GPHN: variants seen among roughly 807,000 people sequenced by gnomAD.
GPHN encodes the protein gephyrin.
A neutral mutation model predicts 95.5 loss-of-function variants in GPHN; 17 were observed. That is an observed-to-expected ratio of 0.18 (90% confidence interval 0.12 to 0.27). GPHN has a LOEUF of 0.27. Ranked by LOEUF, GPHN falls within the 10% of genes least tolerant of loss-of-function variation. GPHN has a pLI of 1.00. For synonymous variants in GPHN, 320 were observed against 322.5 expected (o/e 0.99, Z 0.08); for missense variants, 660 against 978.1 (o/e 0.67, Z 4.34).
chr14:67,292,422 T>C, the GPHN span: 1 of 868,344 alleles, frequency 1.2e-6, no homozygotes, highest in South Asian at 1.7e-5. Context: ...ACTTAAATTG[T>C]TACTGGTTCA....
chr14:67,277,972 G>T, the GPHN span, among the ~76,000 whole-genome samples: 1 of 151,930 alleles, frequency 6.6e-6, no homozygotes, highest in South Asian at 2.1e-4. Context: ...AAGTTTTTGA[G>T]TGGTAACAGA....
the GPHN span, chr14:67,533,345 C>G: frequency 6.6e-6 from 1 of 151,370 alleles, no homozygotes; most frequent in African/African-American, 2.4e-5. Context: ...GGCGGCGGCC[C>G]GAGGGCGCCC....
intron 2 of GPHN, among the ~76,000 whole-genome samples, chr14:66,748,120 G>C (rs1342630192): frequency 2.0e-5 from 3 of 151,858 alleles, no homozygotes; most frequent in Non-Finnish European, 4.4e-5. Context: ...GAGAAATACT[G>C]ATTTAACAAT....
At chr14:66,977,282 T>G (rs749148933) in intron 9 of GPHN, among the ~76,000 whole-genome samples, 6 of 151,872 alleles carry the variant, frequency 4.0e-5, no homozygotes, top group Non-Finnish European at 8.8e-5. Context: ...ATACAAAAAA[T>G]TAGCTGGGCA....
chr14:67,361,046 C>T, the GPHN span, among the ~76,000 whole-genome samples: 1 of 152,122 alleles, frequency 6.6e-6, no homozygotes, highest in African/African-American at 2.4e-5. Context: ...CTGTTACTAT[C>T]AGTTTGTCGT....
At chr14:66,968,235 A>G (rs1757051983) in intron 9 of GPHN, among the ~76,000 whole-genome samples, 1 of 152,020 alleles carries the variant, frequency 6.6e-6, no homozygotes, top group Non-Finnish European at 1.5e-5. Flanking sequence ...CAATAATGTT[A>G]TTAACTATAC....
rs911782235 is a variant in GPHN at position 67,095,480 on chromosome 14, G to A, written c.1238-5376G>A. Among the ~76,000 whole-genome samples, 3 of 152,108 alleles carry A rather than the reference G, an allele frequency of 2.0e-5. No homozygotes were observed. In the East Asian group the frequency reaches 5.8e-4, roughly 29 times the overall value. On this transcript the variant is annotated intron_variant, in intron 12 of 22. Coordinates refer to ENST00000478722, the MANE Select transcript of GPHN (RefSeq NM_020806.5). ...TGCTGCTATAAAGACACATGCACAC[G>A]TATGTTTATTGTGGCACTATTCACA... is the stretch of plus-strand genomic sequence containing the variant.
chr14:67,408,282 G>C, the GPHN span, among the ~76,000 whole-genome samples: 2 of 113,292 alleles, frequency 1.8e-5, no homozygotes, highest in African/African-American at 8.3e-5. Flanking sequence ...GCAAAATTCG[G>C]TCTCAAAATA....
chr14:67,194,746 C>T, the GPHN span, among the ~76,000 whole-genome samples: 1 of 152,158 alleles, frequency 6.6e-6, no homozygotes, highest in Non-Finnish European at 1.5e-5. Flanking sequence ...GGTGATCCAC[C>T]TCCCATGTTC....
At chr14:66,844,524 C>G (rs1375861544) in intron 4 of GPHN, among the ~76,000 whole-genome samples, 3 of 151,624 alleles carry the variant, frequency 2.0e-5, no homozygotes, top group Admixed American at 6.6e-5. Context: ...TCATTGTGCT[C>G]GAAGTGTGGA....
intron 10 of GPHN, among the ~76,000 whole-genome samples, chr14:67,054,765 G>A (rs2075472340): frequency 6.6e-6 from 1 of 152,148 alleles, no homozygotes; most frequent in African/African-American, 2.4e-5. Context: ...TAGACCAGTG[G>A]AACAGAATAT....
chr14:67,408,446 C>A, the GPHN span, among the ~76,000 whole-genome samples: 1 of 152,062 alleles, frequency 6.6e-6, no homozygotes. Flanking sequence ...ACCTCTGGAC[C>A]TGTAAGTGTG....
the GPHN span, among the ~76,000 whole-genome samples, chr14:67,435,941 C>T: frequency 2.6e-5 from 4 of 152,174 alleles, no homozygotes; most frequent in Non-Finnish European, 4.4e-5. Flanking sequence ...CTGGAGACTG[C>T]GGATGGTTAA....
intron 13 of GPHN, among the ~76,000 whole-genome samples, chr14:67,106,073 T>C (rs746146934): frequency 5.9e-5 from 9 of 152,212 alleles, no homozygotes; most frequent in Non-Finnish European, 1.3e-4. Context: ...TGAGAATTTA[T>C]GGTAAGGCCA....
At chr14:66,728,316 G>C (rs1419524642) in intron 2 of GPHN, among the ~76,000 whole-genome samples, 7 of 152,298 alleles carry the variant, frequency 4.6e-5, no homozygotes, top group Admixed American at 3.3e-4. Flanking sequence ...CCCCCACACA[G>C]AGTCCCTACT....
intron 4 of GPHN, among the ~76,000 whole-genome samples, chr14:66,841,207 A>G (rs539976737): frequency 1.3e-5 from 2 of 152,210 alleles, no homozygotes; most frequent in South Asian, 2.1e-4. Context: ...GCTATGTTTA[A>G]AAATTAACCA....
the GPHN span, chr14:67,316,940 T>A: frequency 6.5e-7 from 1 of 1,533,090 alleles, no homozygotes; most frequent in Non-Finnish European, 8.9e-7. Context: ...AAATGGTTTC[T>A]TGGGTCTTCA....
chr14:67,143,505 C>T (rs2080626887), intron 18 of GPHN, 56 bp downstream of exon 18: 5 of 1,074,816 alleles, frequency 4.7e-6, no homozygotes, highest in Non-Finnish European at 7.3e-6. Flanking sequence ...TGCATATGGT[C>T]GATTAACTGT....
chr14:67,620,073 G>A, the GPHN span: 2 of 1,607,912 alleles, frequency 1.2e-6, no homozygotes, highest in Non-Finnish European at 1.7e-6. Flanking sequence ...TAGGAGCCCC[G>A]TTCTCACAAG....
Sources: allele counts gnomAD v4.1 joint callset (sites outside exome capture counted in the v4.1 genomes callset), GRCh38; gene constraint gnomAD v4.1.1; transcripts MANE v1.5; gene names NCBI Gene and HGNC (gene_info 2026-07-23, HGNC 2026-07-21).